The following PPM1E variants were observed in gnomAD, a reference collection of about 807,000 sequenced individuals.
The protein encoded by PPM1E is protein phosphatase, Mg2+/Mn2+ dependent 1E.
Under a neutral mutation model 65.9 loss-of-function variants are expected in PPM1E, and 20 were observed. That is an observed-to-expected ratio of 0.30 (90% CI 0.21 to 0.44). The LOEUF (loss-of-function observed/expected upper bound fraction) is 0.44, where lower values mean the gene tolerates loss of function less well. PPM1E is among the 20% of genes least tolerant of loss of function. PPM1E has a pLI of 1.00. For synonymous variants in PPM1E, 352 were observed against 374.9 expected, an observed-to-expected ratio of 0.94 and a Z score of 0.70; for missense variants, 713 against 953.1, an observed-to-expected ratio of 0.75 and a Z score of 3.32.
chr17:58,978,252 TAA>T (rs940945335), intron 6 of PPM1E, among the ~76,000 whole-genome samples: 4 of 152,242 alleles, frequency 2.6e-5, no homozygotes. Flanking sequence ...CTGGTGTCCT[TAA>T]CCACTAAGCA....
chr17:58,806,828 T>TA (rs1293010372), intron 1 of PPM1E, among the ~76,000 whole-genome samples: 2 of 151,168 alleles, frequency 1.3e-5, no homozygotes, highest in Non-Finnish European at 1.5e-5. Flanking sequence ...GCCTCCAGAG[T>TA]AGCTGGGACT....
intron 1 of PPM1E, among the ~76,000 whole-genome samples, chr17:58,830,413 T>C (rs1273462519): frequency 3.3e-5 from 5 of 151,658 alleles, no homozygotes. Context: ...GTTCACGCCA[T>C]TCTCCTGCCT....
intron 1 of PPM1E, among the ~76,000 whole-genome samples, chr17:58,795,579 C>T (rs1002800806): frequency 4.6e-5 from 7 of 152,162 alleles, no homozygotes; most frequent in South Asian, 2.1e-4. Context: ...TGGCGCACGC[C>T]TGTGGTCCCA....
chr17:58,790,597 G>A (rs1424677066), intron 1 of PPM1E, among the ~76,000 whole-genome samples: 1 of 152,134 alleles, frequency 6.6e-6, no homozygotes, highest in Non-Finnish European at 1.5e-5. Context: ...TAAAGCTTGT[G>A]TCTGGGTCTC....
chr17:58,799,037 A>G (rs2050234423), intron 1 of PPM1E, among the ~76,000 whole-genome samples: 1 of 152,116 alleles, frequency 6.6e-6, no homozygotes, highest in African/African-American at 2.4e-5. Context: ...TCTCTGATCC[A>G]TTGCAAATTA....
At chr17:58,840,201 G>T (rs2050704388) in intron 1 of PPM1E, among the ~76,000 whole-genome samples, 1 of 152,214 alleles carries the variant, frequency 6.6e-6, no homozygotes, top group South Asian at 2.1e-4. Context: ...CACGCTAGAA[G>T]TATTGCCAAC....
intron 1 of PPM1E, among the ~76,000 whole-genome samples, chr17:58,888,628 G>A (rs2051309835): frequency 6.6e-6 from 1 of 151,912 alleles, no homozygotes; most frequent in Admixed American, 6.6e-5. Flanking sequence ...AAAGTGCTGG[G>A]ATTACAGGCG....
intron 1 of PPM1E, among the ~76,000 whole-genome samples, chr17:58,770,328 T>C (rs1428473460): frequency 6.6e-6 from 1 of 152,228 alleles, no homozygotes; most frequent in African/African-American, 2.4e-5. Flanking sequence ...GAGGTGATAT[T>C]AGCTTTAGTG....
chr17:58,923,566 T>C (rs1389262957), intron 1 of PPM1E, among the ~76,000 whole-genome samples: 1 of 151,574 alleles, frequency 6.6e-6, no homozygotes, highest in South Asian at 2.1e-4. Context: ...GCCAACATGG[T>C]GAAACCCCGT....
intron 1 of PPM1E, among the ~76,000 whole-genome samples, chr17:58,800,386 C>G (rs906094577): frequency 6.6e-6 from 1 of 151,760 alleles, no homozygotes; most frequent in Admixed American, 6.6e-5. Flanking sequence ...ATTTTTCTTT[C>G]CTTCTCTCTT....
intron 1 of PPM1E, among the ~76,000 whole-genome samples, chr17:58,933,877 A>G (rs1287678859): frequency 6.6e-6 from 1 of 151,310 alleles, no homozygotes; most frequent in African/African-American, 2.4e-5. Flanking sequence ...CGGGTGGATC[A>G]TGAGGTCAGG....
At chr17:58,764,287 A>G (rs983166979) in intron 1 of PPM1E, among the ~76,000 whole-genome samples, 1 of 152,110 alleles carries the variant, frequency 6.6e-6, no homozygotes, top group Non-Finnish European at 1.5e-5. Context: ...AAAAACCACA[A>G]CTACAACAAC....
At chr17:58,831,364 G>A (rs1001107316) in intron 1 of PPM1E, among the ~76,000 whole-genome samples, 22 of 152,194 alleles carry the variant, frequency 1.4e-4, no homozygotes, top group African/African-American at 5.3e-4. Context: ...TGGGAACTGA[G>A]TAAGGGAATA....
intron 1 of PPM1E, among the ~76,000 whole-genome samples, chr17:58,879,828 T>C (rs1365046448): frequency 6.6e-6 from 1 of 152,044 alleles, no homozygotes; most frequent in Non-Finnish European, 1.5e-5. Context: ...TTTAAAATAT[T>C]TGGGCTTCAA....
At chr17:58,917,018 G>A (rs1019576101) in intron 1 of PPM1E, among the ~76,000 whole-genome samples, 3 of 151,788 alleles carry the variant, frequency 2.0e-5, no homozygotes, top group East Asian at 1.9e-4. Flanking sequence ...GAGACCAGCC[G>A]AGCCAACATG....
At chr17:58,802,540 C>A in intron 1 of PPM1E, among the ~76,000 whole-genome samples, 1 of 151,996 alleles carries the variant, frequency 6.6e-6, no homozygotes, top group East Asian at 1.9e-4. Flanking sequence ...TATTAATATA[C>A]AAATGTTAGG....
At chr17:58,977,806 A>ATG (rs2031107968) in intron 6 of PPM1E, among the ~76,000 whole-genome samples, 1 of 152,104 alleles carries the variant, frequency 6.6e-6, no homozygotes, top group Admixed American at 6.5e-5. Context: ...GCAGTGGCGC[A>ATG]ATCTGGGCTC....
At chr17:58,771,719 A>AT (rs1446025203) in intron 1 of PPM1E, among the ~76,000 whole-genome samples, 21 of 152,074 alleles carry the variant, frequency 1.4e-4, no homozygotes, top group Admixed American at 3.9e-4. Flanking sequence ...CAATGAGTTT[A>AT]TTTTCTTATT....
At chr17:58,817,324 A>G (rs72828711) in intron 1 of PPM1E, among the ~76,000 whole-genome samples, 2,285 of 152,218 alleles carry the variant, frequency 0.015, 26 homozygotes, top group Non-Finnish European at 0.023. Flanking sequence ...TTCTATGTCT[A>G]ATCGTTTGAG....
Sources: gnomAD v4.1 joint callset for allele counts (sites outside exome capture counted in the v4.1 genomes callset) on GRCh38, gnomAD v4.1.1 for gene constraint, MANE v1.5 for transcripts, NCBI Gene and HGNC (gene_info 2026-07-23, HGNC 2026-07-21) for gene names.